The following ARHGAP15 variants were observed in gnomAD, a reference collection of about 807,000 sequenced individuals.
ARHGAP15 encodes the protein Rho GTPase activating protein 15.
ARHGAP15 carries 51 observed loss-of-function variants against 63.7 expected under a neutral mutation model. The observed-to-expected ratio is 0.80, with a 90% CI of 0.64 to 1.01. The LOEUF is 1.01. ARHGAP15 is among the 50% of genes least tolerant of loss of function. ARHGAP15 has a pLI of 0.00. For synonymous variants in ARHGAP15, 191 were observed against 193.8 expected (o/e 0.99, Z 0.12); for missense variants, 560 against 564.6 (o/e 0.99, Z 0.08).
intron 9 of ARHGAP15, among the ~76,000 whole-genome samples, chr2:143,506,832 G>A (rs543071613): frequency 1.3e-5 from 2 of 152,092 alleles, no homozygotes; most frequent in African/African-American, 4.8e-5. Flanking sequence ...AGACTAATTA[G>A]TCTGTCCTAC....
At chr2:143,512,785 A>G (rs990031575) in intron 9 of ARHGAP15, among the ~76,000 whole-genome samples, 6 of 152,192 alleles carry the variant, frequency 3.9e-5, no homozygotes, top group African/African-American at 1.4e-4. Context: ...AGGCACTGGA[A>G]AGTCAGGAGC....
At chr2:143,646,173 T>C (rs1284416803) in intron 12 of ARHGAP15, among the ~76,000 whole-genome samples, 1 of 152,030 alleles carries the variant, frequency 6.6e-6, no homozygotes, top group African/African-American at 2.4e-5. Context: ...ATAATAAATG[T>C]ATGAAGGGCT....
chr2:143,271,556 A>G (rs1681281946), intron 6 of ARHGAP15, among the ~76,000 whole-genome samples: 3 of 152,168 alleles, frequency 2.0e-5, no homozygotes, highest in Admixed American at 6.5e-5. Context: ...TCTCACTGCA[A>G]GCTCCGCTTC....
chr2:143,627,701 T>C (rs1698891213), intron 12 of ARHGAP15, among the ~76,000 whole-genome samples: 2 of 152,098 alleles, frequency 1.3e-5, no homozygotes, highest in African/African-American at 4.8e-5. Flanking sequence ...ACAGGATGAA[T>C]TGAGGACAAA....
chr2:143,250,337 G>GA (rs891773562), intron 5 of ARHGAP15, among the ~76,000 whole-genome samples, 174 bp from the exon 6 acceptor site: 3 of 151,794 alleles, frequency 2.0e-5, no homozygotes, highest in Non-Finnish European at 2.9e-5. Context: ...TTTAGACATT[G>GA]AAAAAAATTA....
chr2:143,675,608 C>A (rs1184606386), intron 12 of ARHGAP15, among the ~76,000 whole-genome samples: 1 of 152,160 alleles, frequency 6.6e-6, no homozygotes, highest in African/African-American at 2.4e-5. Flanking sequence ...TCCTTGTACA[C>A]CTCCATTAGA....
intron 13 of ARHGAP15, chr2:143,706,513 C>G (rs888175168): frequency 2.6e-5 from 4 of 152,178 alleles, no homozygotes; most frequent in African/African-American, 7.2e-5. Context: ...TTGCAGAGCT[C>G]TGAGTTAAAT....
chr2:143,151,253 G>T (rs1689804205), intron 1 of ARHGAP15, among the ~76,000 whole-genome samples: 1 of 151,890 alleles, frequency 6.6e-6, no homozygotes, highest in Non-Finnish European at 1.5e-5. Flanking sequence ...TTCTTCCCTA[G>T]AACCTTATTT....
chr2:143,711,660 C>T (rs367986202), intron 13 of ARHGAP15, among the ~76,000 whole-genome samples: 13 of 152,294 alleles, frequency 8.5e-5, no homozygotes, highest in South Asian at 6.2e-4. Flanking sequence ...TAAGCACTGT[C>T]GCTCACTCAT....
intron 7 of ARHGAP15, 64 bp downstream of exon 7, chr2:143,435,763 C>T: frequency 1.3e-6 from 2 of 1,482,092 alleles, no homozygotes; most frequent in East Asian, 2.4e-5. Flanking sequence ...TCTTATTGCT[C>T]AGGCATATAA....
intron 6 of ARHGAP15, among the ~76,000 whole-genome samples, chr2:143,378,041 T>C (rs978192778): frequency 2.6e-5 from 4 of 152,014 alleles, no homozygotes. Flanking sequence ...CCTTTGGAGA[T>C]AAATGCAGAA....
chr2:143,658,102 G>A (rs1007608440), intron 12 of ARHGAP15, among the ~76,000 whole-genome samples: 5 of 152,156 alleles, frequency 3.3e-5, no homozygotes, highest in Admixed American at 1.3e-4. Context: ...TTCCTCTTGA[G>A]CCATCTTCCT....
chr2:143,487,065 A>T (rs1046816876), intron 8 of ARHGAP15, among the ~76,000 whole-genome samples: 1 of 152,232 alleles, frequency 6.6e-6, no homozygotes, highest in African/African-American at 2.4e-5. Context: ...TACTCTGACC[A>T]CAATTTTGTG....
At chr2:143,346,419 G>A (rs973775646) in intron 6 of ARHGAP15, among the ~76,000 whole-genome samples, 1 of 151,944 alleles carries the variant, frequency 6.6e-6, no homozygotes. Flanking sequence ...CAAACACCAC[G>A]GATTCTTTAT....
chr2:143,529,164 C>T (rs1164495624), intron 10 of ARHGAP15, among the ~76,000 whole-genome samples: 1 of 152,012 alleles, frequency 6.6e-6, no homozygotes, highest in Non-Finnish European at 1.5e-5. Flanking sequence ...AAAGATGTTC[C>T]TCCTATTTTA....
chr2:143,281,712 T>A (rs1368499502), intron 6 of ARHGAP15, among the ~76,000 whole-genome samples: 4 of 152,166 alleles, frequency 2.6e-5, no homozygotes, highest in Non-Finnish European at 2.9e-5. Flanking sequence ...TCACACTTTA[T>A]TAAAATGTAC....
intron 6 of ARHGAP15, among the ~76,000 whole-genome samples, chr2:143,342,143 G>A (rs1293108620): frequency 2.0e-5 from 3 of 151,994 alleles, no homozygotes; most frequent in Admixed American, 6.6e-5. Context: ...TGTACATAAC[G>A]ACATGATAGA....
At chr2:143,364,347 A>C (rs1417769599) in intron 6 of ARHGAP15, among the ~76,000 whole-genome samples, 1 of 152,218 alleles carries the variant, frequency 6.6e-6, no homozygotes, top group Non-Finnish European at 1.5e-5. Flanking sequence ...TTTTACTTGG[A>C]AATTATTTTG....
chr2:143,296,366 A>T (rs1040577558), intron 6 of ARHGAP15, among the ~76,000 whole-genome samples: 1 of 152,094 alleles, frequency 6.6e-6, no homozygotes, highest in Non-Finnish European at 1.5e-5. Flanking sequence ...ACCTGTAGTT[A>T]CAAGAAAGAA....
Sources: allele counts gnomAD v4.1 joint callset (sites outside exome capture counted in the v4.1 genomes callset), GRCh38; gene constraint gnomAD v4.1.1; transcripts MANE v1.5; gene names NCBI Gene and HGNC (gene_info 2026-07-23, HGNC 2026-07-21).